The following USP6NL variants were observed in gnomAD, a reference collection of about 807,000 sequenced individuals.
The protein encoded by USP6NL is USP6 N-terminal like.
A neutral mutation model predicts 61.9 loss-of-function variants in USP6NL; 26 were observed. The ratio of observed to expected loss-of-function variants is 0.42; its 90% CI spans 0.31 to 0.58. The LOEUF is 0.58. Ranked by LOEUF, USP6NL falls within the 20% of genes least tolerant of loss-of-function variation. The probability of loss-of-function intolerance (pLI) is 0.16; values close to 1 mark genes in which losing one functional copy is unlikely to be tolerated. For missense variants in USP6NL, 1,114 were observed against 1,034.3 expected (o/e 1.08, Z -1.06); for synonymous variants, 432 against 390.1 (o/e 1.11, Z -1.27).
chr10:11,512,609 T>C (rs1834770158), intron 5 of USP6NL, among the ~76,000 whole-genome samples: 2 of 152,230 alleles, frequency 1.3e-5, no homozygotes, highest in African/African-American at 2.4e-5. Flanking sequence ...CTTCCAGTTC[T>C]ACCTCCTGCT....
chr10:11,606,075 A>C (rs1300698278), intron 1 of USP6NL, among the ~76,000 whole-genome samples: 1 of 152,202 alleles, frequency 6.6e-6, no homozygotes, highest in East Asian at 1.9e-4. Context: ...AAATAGAAAC[A>C]GAAAGAGACA....
At chr10:11,547,195 C>T (rs899005936) in intron 2 of USP6NL, among the ~76,000 whole-genome samples, 1 of 152,128 alleles carries the variant, frequency 6.6e-6, no homozygotes, top group Non-Finnish European at 1.5e-5. Flanking sequence ...ACAATAAGAG[C>T]GTGAACTCAC....
intron 6 of USP6NL, among the ~76,000 whole-genome samples, chr10:11,505,384 T>C (rs1834389234): frequency 6.6e-6 from 1 of 152,210 alleles, no homozygotes; most frequent in African/African-American, 2.4e-5. Context: ...GTAGGTACTA[T>C]TATTAACATA....
At position 11,532,024 on chromosome 10, in the gene USP6NL, T is replaced by A. The variant is rs1343336838; in HGVS notation, c.5-4457A>T. Among the ~76,000 whole-genome samples, 1 of 152,244 alleles carries A rather than the reference T, an allele frequency of 6.6e-6. No individual in the cohort carries two copies. The highest frequency in any genetic ancestry group is 1.5e-5 in the Non-Finnish European group (1 of 68,034). ...AGCAGGTATTGTATCTTAATGTCAC[T>A]AAATTAGCACCAAACTGCAATGAAA... On this transcript the variant is annotated intron_variant, in intron 2 of 14. Coordinates refer to ENST00000609104, the MANE Select transcript of USP6NL (RefSeq NM_014688.5). The surrounding 1 kb of genome is among the most constrained non-coding windows in gnomAD (Gnocchi z 4.1).
At chr10:11,538,821 T>A (rs1252189811) in intron 2 of USP6NL, among the ~76,000 whole-genome samples, 2 of 152,194 alleles carry the variant, frequency 1.3e-5, no homozygotes, top group African/African-American at 4.8e-5. Context: ...TTCACCTGCA[T>A]TTTAAATAAC....
Position 11,462,407 on chromosome 10 carries a change from T to G in USP6NL, c.*34A>C. On this transcript the variant is annotated 3_prime_UTR_variant, in exon 15 of 15. Coordinates refer to ENST00000609104, the MANE Select transcript of USP6NL (RefSeq NM_014688.5). ...CATAGCAATGTAGGTTTCACGTGGT[T>G]TCTCTCTCGTCTTTAGCAAGTACAC... 6.3e-7 allele frequency: 1 copy of G among 1,592,290 alleles called. No individual in the cohort carries two copies. The highest frequency in any genetic ancestry group is 8.6e-7 in the Non-Finnish European group (1 of 1,169,424).
At chr10:11,497,411 C>CAA (rs11307707) in intron 7 of USP6NL, among the ~76,000 whole-genome samples, 5,871 of 105,938 alleles carry the variant, frequency 0.055, 205 homozygotes, top group Non-Finnish European at 0.088. Flanking sequence ...GACTCAGTCT[C>CAA]AAAAAAAAAA....
At chr10:11,506,419 A>C (rs185276563) in intron 6 of USP6NL, among the ~76,000 whole-genome samples, 1 of 152,334 alleles carries the variant, frequency 6.6e-6, no homozygotes, top group Admixed American at 6.5e-5. Context: ...AGGCAGGAGA[A>C]TCATTTGACA....
chr10:11,556,567 AAAG>A (rs1358586751), intron 2 of USP6NL, among the ~76,000 whole-genome samples: 1 of 152,240 alleles, frequency 6.6e-6, no homozygotes, highest in Non-Finnish European at 1.5e-5. Flanking sequence ...TACGAAAGTA[AAAG>A]AATGGGAAAG....
intron 2 of USP6NL, among the ~76,000 whole-genome samples, chr10:11,535,567 CAA>C (rs1457148965): frequency 2.6e-5 from 4 of 152,202 alleles, no homozygotes; most frequent in African/African-American, 9.6e-5. Flanking sequence ...GCAGTCACCA[CAA>C]GAGACCTTTT....
intron 1 of USP6NL, among the ~76,000 whole-genome samples, chr10:11,608,135 C>G (rs1438649770): frequency 6.6e-6 from 1 of 152,116 alleles, no homozygotes; most frequent in Admixed American, 6.5e-5. Context: ...AAAATGAAAC[C>G]AAGACTATCC....
Position 11,574,877 on chromosome 10 carries a change from T to C in USP6NL, c.4+22754A>G, listed in dbSNP as rs999358186. Among the ~76,000 whole-genome samples, 1 of 152,246 alleles carries C rather than the reference T, an allele frequency of 6.6e-6. No homozygotes were observed. The highest frequency in any genetic ancestry group is 6.5e-5 in the Admixed American group (1 of 15,284). ...TAAACCGATCCAAAAATCAGCCTTC[T>C]GCTTTCTCTCCAGCAAGCACCGTCT... is the stretch of plus-strand genomic sequence containing the variant. On this transcript the variant is annotated intron_variant, in intron 2 of 14. Coordinates refer to ENST00000609104, the MANE Select transcript of USP6NL (RefSeq NM_014688.5). This position sits in a 1 kb window ranked among gnomAD's most constrained non-coding sequence, Gnocchi z 4.3.
chr10:11,467,178 A>C (rs1274255779), intron 14 of USP6NL, among the ~76,000 whole-genome samples: 1 of 152,214 alleles, frequency 6.6e-6, no homozygotes, highest in African/African-American at 2.4e-5. Flanking sequence ...AAGAACAAAA[A>C]TGGAGCACCC....
rs2073317095 is a variant in USP6NL, at chr10:11,491,166, T to C, written c.495-286A>G. ...GCTGATCTATCTCACTTTGAGACCCTTCTGATAGAAGCAGCTGGCTTGACA... is the reference window on the plus strand; with the variant it reads ...GCTGATCTATCTCACTTTGAGACCCCTCTGATAGAAGCAGCTGGCTTGACA... On this transcript the variant is annotated intron_variant, in intron 8 of 14. Transcript: ENST00000609104. The surrounding 1 kb of genome is among the most constrained non-coding windows in gnomAD (Gnocchi z 4.7). Among the ~76,000 whole-genome samples the C allele has an allele frequency of 6.6e-6, 1 of 152,202 alleles. No individual in the cohort carries two copies. Among genetic ancestry groups the C allele is most frequent in the Non-Finnish European group, 1.5e-5 (1 of 68,020 alleles).
At position 11,462,838 on chromosome 10, in the gene USP6NL, C is replaced by T. The variant is rs752689795; in HGVS notation, c.2090G>A (p.Arg697Gln). The change falls in exon 15 of 15, where the codon CGA becomes CAA. Residue 697 changes from arginine to glutamine, a missense_variant. By Grantham distance (43) the Arg-to-Gln change is conservative. Coordinates refer to ENST00000609104, the MANE Select transcript of USP6NL (RefSeq NM_014688.5). ...RPSPLVLPSS[R>Q]IEVLPVDTGA... ...AGTGTCAACAGGGAGGACTTCTATT[C>T]GACTAGACGGCAGTACAAGGGGGCT... 4 of 1,613,936 alleles carry T rather than the reference C, an allele frequency of 2.5e-6. No individual in the cohort carries two copies. The highest frequency in any genetic ancestry group is 2.5e-6 in the Non-Finnish European group (3 of 1,179,872).
intron 2 of USP6NL, among the ~76,000 whole-genome samples, chr10:11,578,785 T>G (rs1837642911): frequency 6.6e-6 from 1 of 152,218 alleles, no homozygotes; most frequent in Admixed American, 6.5e-5. Flanking sequence ...CTACAGAATT[T>G]AAAAGCTACA....
rs1163465896 is a variant in USP6NL, at chr10:11,513,975, T to C, written c.196-4300A>G. On this transcript the variant is annotated intron_variant, in intron 5 of 14. Transcript: ENST00000609104. The surrounding 1 kb of genome is among the most constrained non-coding windows in gnomAD (Gnocchi z 4.7). ...TTGGCTCCTCTGGATTTCAGCAGGA[T>C]TATCACCCCATTATGTTGTCTTTCC... Among the ~76,000 whole-genome samples, 1 of 152,176 alleles carries C rather than the reference T, an allele frequency of 6.6e-6. No homozygotes were observed. The highest frequency in any genetic ancestry group is 2.4e-5 in the African/African-American group (1 of 41,430).
At chr10:11,479,394 C>T (rs1024372455) in intron 14 of USP6NL, among the ~76,000 whole-genome samples, 3 of 152,070 alleles carry the variant, frequency 2.0e-5, no homozygotes, top group African/African-American at 7.2e-5. Flanking sequence ...AAAGAACTAC[C>T]AATCAGAACA....
chr10:11,581,227 G>A (rs1837758997), intron 2 of USP6NL, among the ~76,000 whole-genome samples: 1 of 152,134 alleles, frequency 6.6e-6, no homozygotes, highest in African/African-American at 2.4e-5. Flanking sequence ...ACAGAGATAA[G>A]CACTACTGAC....
Sources: allele counts gnomAD v4.1 joint callset (sites outside exome capture counted in the v4.1 genomes callset), GRCh38; gene constraint gnomAD v4.1.1; non-coding constraint Gnocchi (gnomAD v3.1); transcripts MANE v1.5; gene names NCBI Gene and HGNC (gene_info 2026-07-23, HGNC 2026-07-21).